Variants in LANCL2 observed in about 807,000 individuals in gnomAD.
LANCL2 encodes the protein LanC like glutathione S-transferase 2.
Under a neutral mutation model 56.9 loss-of-function variants are expected in LANCL2, and 33 were observed. The ratio of observed to expected loss-of-function variants is 0.58; its 90% confidence interval spans 0.44 to 0.78. The LOEUF is 0.78. Ranked by LOEUF, LANCL2 falls within the 30% of genes least tolerant of loss-of-function variation. The pLI is 0.00. For missense variants in LANCL2, 562 were observed against 580.2 expected (o/e 0.97, Z 0.32); for synonymous variants, 233 against 228.2 (o/e 1.02, Z -0.19).
At chr7:55,399,721 T>C (rs1365457277) in intron 3 of LANCL2, among the ~76,000 whole-genome samples, 1 of 152,224 alleles carries the variant, frequency 6.6e-6, no homozygotes, top group Non-Finnish European at 1.5e-5. Flanking sequence ...TGGTTTAAAA[T>C]AGATGTAAAG....
At chr7:55,398,387 A>G (rs1255834438) in intron 2 of LANCL2, 36 bp from the exon 3 acceptor site, 2 of 1,443,104 alleles carry the variant, frequency 1.4e-6, no homozygotes, top group Non-Finnish European at 9.8e-7. Context: ...GGAAAAGATA[A>G]TAATGCTTTT....
At chr7:55,424,515 A>G (rs1790641594) in intron 6 of LANCL2, among the ~76,000 whole-genome samples, 1 of 152,270 alleles carries the variant, frequency 6.6e-6, no homozygotes, top group African/African-American at 2.4e-5. Flanking sequence ...GCCTTCTACA[A>G]GAGCAGAAGT....
At position 55,400,100 on chromosome 7, in the gene LANCL2, A is replaced by T; in HGVS notation, c.674A>T (p.Lys225Ile). Residue 225 changes from lysine to isoleucine, a missense_variant, in exon 4 of 9, where the codon AAA becomes ATA. Lys to Ile is a moderately radical substitution (Grantham distance 102, BLOSUM62 -3). Around this residue, in one of 2 missense-constraint regions of LANCL2, gnomAD observed 378 missense variants for 468.4 expected, o/e 0.81. Coordinates refer to ENST00000254770, the MANE Select transcript of LANCL2 (RefSeq NM_018697.4). ...GPGTVCESAI[K>I]EVVNAIIESG... ...GGCACCGTGTGTGAGTCAGCTATTA[A>T]AGAGGTACTATGGGGTATGGGTAAC... 1 of 1,605,380 alleles carries T rather than the reference A, an allele frequency of 6.2e-7. No individual in the cohort carries two copies. Among genetic ancestry groups the T allele is most frequent in the East Asian group, 2.2e-5 (1 of 44,796 alleles).
chr7:55,402,273 A>T (rs1790342104), intron 5 of LANCL2, among the ~76,000 whole-genome samples: 1 of 106,464 alleles, frequency 9.4e-6, no homozygotes, highest in African/African-American at 3.7e-5. Flanking sequence ...TCCCTCCCGG[A>T]CGGGGCGGCT....
chr7:55,419,084 T>C (rs1414265088), intron 6 of LANCL2, among the ~76,000 whole-genome samples: 1 of 152,106 alleles, frequency 6.6e-6, no homozygotes, highest in Non-Finnish European at 1.5e-5. Flanking sequence ...TTCTATAAAA[T>C]CTTTGTTTTT....
intron 1 of LANCL2, among the ~76,000 whole-genome samples, chr7:55,370,732 C>T (rs1046053204): frequency 2.6e-5 from 4 of 152,102 alleles, no homozygotes; most frequent in African/African-American, 9.7e-5. Flanking sequence ...AGTTAGGGAA[C>T]TCCATGAGCA....
At chr7:55,385,934 A>G (rs1355574479) in intron 1 of LANCL2, among the ~76,000 whole-genome samples, 1 of 152,142 alleles carries the variant, frequency 6.6e-6, no homozygotes, top group Non-Finnish European at 1.5e-5. Flanking sequence ...TCTCTTTCTC[A>G]GGGACATTCC....
intron 1 of LANCL2, among the ~76,000 whole-genome samples, chr7:55,373,994 A>G (rs1789973897): frequency 6.6e-6 from 1 of 152,248 alleles, no homozygotes; most frequent in Admixed American, 6.5e-5. Flanking sequence ...GATTTTAGTT[A>G]GTACCATGCA....
At chr7:55,366,394 G>A (rs1293453678) in intron 1 of LANCL2, among the ~76,000 whole-genome samples, 165 bp downstream of exon 1, 1 of 152,248 alleles carries the variant, frequency 6.6e-6, no homozygotes, top group Non-Finnish European at 1.5e-5. Flanking sequence ...CCGCGCTTAG[G>A]GTCCGTGGGC....
At chr7:55,420,007 C>A (rs557036482) in intron 6 of LANCL2, among the ~76,000 whole-genome samples, 2 of 152,194 alleles carry the variant, frequency 1.3e-5, no homozygotes, top group African/African-American at 4.8e-5. Flanking sequence ...CCAAAATTAT[C>A]TGGGCATGGT....
chr7:55,422,754 A>G (rs1316024085), intron 6 of LANCL2, among the ~76,000 whole-genome samples: 1 of 152,212 alleles, frequency 6.6e-6, no homozygotes. Context: ...TAGGTCCAGA[A>G]TATCCCTTTG....
intron 6 of LANCL2, 60 bp from the exon 7 acceptor site, chr7:55,425,194 T>C (rs914756600): frequency 6.5e-7 from 1 of 1,539,042 alleles, no homozygotes; most frequent in Non-Finnish European, 8.9e-7. Flanking sequence ...AGGGAAAGTA[T>C]TTTGCCAACT....
At chr7:55,405,510 T>G (rs1010435525) in intron 5 of LANCL2, among the ~76,000 whole-genome samples, 40 of 135,226 alleles carry the variant, frequency 3.0e-4, no homozygotes, top group African/African-American at 8.7e-4. Context: ...TTTTTTTTTT[T>G]GGGACAGGGT....
chr7:55,410,531 G>A (rs1415291856), intron 5 of LANCL2, among the ~76,000 whole-genome samples: 2 of 152,196 alleles, frequency 1.3e-5, no homozygotes, highest in African/African-American at 2.4e-5. Flanking sequence ...ATGGAATGAT[G>A]AGAATTTAAA....
intron 5 of LANCL2, among the ~76,000 whole-genome samples, chr7:55,402,299 T>C (rs1235249882): frequency 4.5e-5 from 1 of 22,196 alleles, no homozygotes; most frequent in African/African-American, 2.1e-4. Context: ...GGCGGGGGGC[T>C]GACCTCCCCG....
At chr7:55,377,891 G>A (rs76692241) in intron 1 of LANCL2, among the ~76,000 whole-genome samples, 1 of 152,226 alleles carries the variant, frequency 6.6e-6, no homozygotes, top group Admixed American at 6.5e-5. Context: ...GTATGACTGA[G>A]TGAAGGCTGT....
At chr7:55,380,827 A>G (rs1262587209) in intron 1 of LANCL2, among the ~76,000 whole-genome samples, 4 of 148,732 alleles carry the variant, frequency 2.7e-5, no homozygotes, top group African/African-American at 9.9e-5. Flanking sequence ...GGGAGGTTCT[A>G]TAGAGTATGT....
intron 4 of LANCL2, 77 bp downstream of exon 4, chr7:55,400,181 T>C: frequency 1.6e-6 from 2 of 1,217,500 alleles, no homozygotes; most frequent in Non-Finnish European, 2.2e-6. Flanking sequence ...TATTAACAGC[T>C]GGACTTTACT....
chr7:55,412,142 T>C (rs1790478637), intron 6 of LANCL2, 53 bp downstream of exon 6: 2 of 1,550,984 alleles, frequency 1.3e-6, no homozygotes, highest in East Asian at 2.3e-5. Flanking sequence ...CAGGTTTCCC[T>C]GTCAGGTTTT....
Sources: gnomAD v4.1 joint callset for allele counts (sites outside exome capture counted in the v4.1 genomes callset) on GRCh38, gnomAD v4.1.1 for gene constraint, gnomAD v4.1.1 regional missense constraint, MANE v1.5 for transcripts, NCBI Gene and HGNC (gene_info 2026-07-23, HGNC 2026-07-21) for gene names.